Variants in NAALADL2 observed in about 807,000 individuals in gnomAD.
NAALADL2 encodes inactive N-acetylated-alpha-linked acidic dipeptidase-like protein 2.
Under a neutral mutation model 87.2 loss-of-function variants are expected in NAALADL2, and 76 were observed. That is an observed-to-expected ratio of 0.87 (90% confidence interval 0.72 to 1.05). NAALADL2 has a LOEUF of 1.05. Among genes scored for constraint, NAALADL2 ranks in the 50% least tolerant of loss-of-function variants. The pLI, the probability that NAALADL2 is intolerant of heterozygous loss-of-function variation, is 0.00. For synonymous variants in NAALADL2, 354 were observed against 331.0 expected, an observed-to-expected ratio of 1.07 and a Z score of -0.75; for missense variants, 1,089 against 945.8, an observed-to-expected ratio of 1.15 and a Z score of -1.99.
chr3:174,766,580 A>T (rs890197005), intron 3 of NAALADL2, among the ~76,000 whole-genome samples: 1 of 152,222 alleles, frequency 6.6e-6, no homozygotes, highest in East Asian at 1.9e-4. Context: ...TGCCTGTACC[A>T]TGTAGGCTAC....
chr3:174,877,331 G>T (rs1342351301), intron 1 of NAALADL2, among the ~76,000 whole-genome samples: 16 of 152,216 alleles, frequency 1.1e-4, no homozygotes, highest in Admixed American at 9.8e-4. Flanking sequence ...AAGCTGGCCA[G>T]TGTATCCTTA....
At chr3:175,132,649 G>T (rs1560070333) in intron 2 of NAALADL2, among the ~76,000 whole-genome samples, 6 of 126,742 alleles carry the variant, frequency 4.7e-5, no homozygotes, top group African/African-American at 1.3e-4. Flanking sequence ...GTGGCTGGCC[G>T]GGCGGGGGGC....
At chr3:174,952,948 C>T (rs1176482198) in intron 1 of NAALADL2, among the ~76,000 whole-genome samples, 1 of 151,882 alleles carries the variant, frequency 6.6e-6, no homozygotes, top group Middle Eastern at 3.2e-3. Context: ...GATTATACAT[C>T]ATATTAGAAA....
intron 3 of NAALADL2, among the ~76,000 whole-genome samples, chr3:174,776,367 C>G: frequency 6.6e-6 from 1 of 152,088 alleles, no homozygotes. Context: ...ACTCATCCAG[C>G]AGTGAATGGC....
intron 2 of NAALADL2, among the ~76,000 whole-genome samples, chr3:174,552,569 C>T (rs1278914488): frequency 6.6e-6 from 1 of 151,844 alleles, no homozygotes; most frequent in East Asian, 1.9e-4. Context: ...CTGAGGCAGG[C>T]CTATTGCCTG....
At chr3:174,529,824 T>C (rs891166558) in intron 1 of NAALADL2, among the ~76,000 whole-genome samples, 1 of 152,016 alleles carries the variant, frequency 6.6e-6, no homozygotes, top group African/African-American at 2.4e-5. Flanking sequence ...CGGCATCAAA[T>C]CCCTAAACTG....
chr3:175,763,207 ACTTT>A (rs1748269432), intron 13 of NAALADL2, among the ~76,000 whole-genome samples: 1 of 151,984 alleles, frequency 6.6e-6, no homozygotes, highest in African/African-American at 2.4e-5. Flanking sequence ...CTCTCTAATC[ACTTT>A]CTTTAGGTGT....
At chr3:174,552,568 G>T (rs993232247) in intron 2 of NAALADL2, among the ~76,000 whole-genome samples, 2 of 152,034 alleles carry the variant, frequency 1.3e-5, no homozygotes, top group African/African-American at 2.4e-5. Context: ...GCTGAGGCAG[G>T]CCTATTGCCT....
intron 2 of NAALADL2, among the ~76,000 whole-genome samples, chr3:175,158,377 T>G (rs1441203013): frequency 6.6e-6 from 1 of 152,056 alleles, no homozygotes; most frequent in Non-Finnish European, 1.5e-5. Context: ...GTTACACTAT[T>G]TTGAATTGGT....
At chr3:175,711,455 G>A (rs978799410) in intron 11 of NAALADL2, among the ~76,000 whole-genome samples, 3 of 151,490 alleles carry the variant, frequency 2.0e-5, no homozygotes, top group African/African-American at 7.3e-5. Context: ...GAAGTTTGAG[G>A]GCAATTAAAT....
chr3:175,749,344 T>G (rs1218189297), intron 12 of NAALADL2, among the ~76,000 whole-genome samples: 1 of 152,122 alleles, frequency 6.6e-6, no homozygotes, highest in African/African-American at 2.4e-5. Flanking sequence ...ATTGTCTTAG[T>G]TCATTTTGTG....
At position 174,575,817 on chromosome 3, in the gene NAALADL2, A is replaced by G. The variant is rs111981037; in HGVS notation, c.-115+25180A>G. ...CTCTATCCATATTTATTAGATGCCTATTGTGCCCCAGACACTGAGCCAGGC... is the reference window on the plus strand; with the variant it reads ...CTCTATCCATATTTATTAGATGCCTGTTGTGCCCCAGACACTGAGCCAGGC... On this transcript the variant is annotated intron_variant, in intron 2 of 3. Transcript: ENST00000434257. 4.6e-5 allele frequency among the ~76,000 whole-genome samples: 7 copies of G among 152,268 alleles called. 1 individual carries two copies. Among genetic ancestry groups the G allele is most frequent in the African/African-American group, 1.7e-4 (7 of 41,556 alleles).
intron 1 of NAALADL2, among the ~76,000 whole-genome samples, chr3:174,499,236 G>T (rs549755652): frequency 5.3e-5 from 8 of 152,054 alleles, no homozygotes; most frequent in Non-Finnish European, 1.0e-4. Context: ...GTTTAAATCT[G>T]TTATCAGATT....
At chr3:174,887,186 T>C (rs1730263454) in intron 1 of NAALADL2, among the ~76,000 whole-genome samples, 1 of 151,682 alleles carries the variant, frequency 6.6e-6, no homozygotes, top group Non-Finnish European at 1.5e-5. Flanking sequence ...AAGTTTGTTT[T>C]AGGCATCTTC....
At position 174,617,899 on chromosome 3, in the gene NAALADL2, A is replaced by G. The variant is rs188946154; in HGVS notation, c.-115+67262A>G. ...TCTAGCTTTATGTTATATAGTCTCT[A>G]AGATGGGAATACATGGTATGTGAAC... On this transcript the variant is annotated intron_variant, in intron 2 of 3. Transcript: ENST00000434257. 6.4e-4 allele frequency among the ~76,000 whole-genome samples: 97 copies of G among 151,870 alleles called. 2 individuals are homozygous for G. The Middle Eastern group carries it at 0.034, about 53-fold the overall frequency.
chr3:175,762,185 T>C (rs1396742133), intron 13 of NAALADL2, among the ~76,000 whole-genome samples: 1 of 92,202 alleles, frequency 1.1e-5, no homozygotes, highest in African/African-American at 4.1e-5. Flanking sequence ...ATAAGGTCTG[T>C]GTTTCGATTT....
At chr3:174,530,140 T>C (rs1036239406) in intron 1 of NAALADL2, among the ~76,000 whole-genome samples, 4 of 152,168 alleles carry the variant, frequency 2.6e-5, no homozygotes, top group Non-Finnish European at 4.4e-5. Context: ...AGTCACCTCT[T>C]CAGTGCTTTG....
intron 1 of NAALADL2, among the ~76,000 whole-genome samples, chr3:175,056,557 A>C (rs1712224508): frequency 6.6e-6 from 1 of 152,138 alleles, no homozygotes; most frequent in Non-Finnish European, 1.5e-5. Flanking sequence ...GTGCTAGAGG[A>C]ATTAAAGACA....
chr3:175,137,170 A>G (rs962010506), intron 2 of NAALADL2, among the ~76,000 whole-genome samples: 1 of 152,110 alleles, frequency 6.6e-6, no homozygotes, highest in East Asian at 1.9e-4. Flanking sequence ...ATAATCTCCC[A>G]CTATGGAAAA....
Sources: gnomAD v4.1 joint callset for allele counts (sites outside exome capture counted in the v4.1 genomes callset) on GRCh38, gnomAD v4.1.1 for gene constraint, MANE v1.5 for transcripts, NCBI Gene and HGNC (gene_info 2026-07-23, HGNC 2026-07-21) for gene names.